Variants in HDAC4 observed in about 807,000 individuals in gnomAD.
HDAC4 encodes histone deacetylase A.
In HDAC4, 16 loss-of-function variants were observed where a neutral mutation model predicts 135.1. That is an observed-to-expected ratio of 0.12 (90% CI 0.08 to 0.18). HDAC4 has a LOEUF of 0.18. Among genes scored for constraint, HDAC4 ranks in the 10% least tolerant of loss-of-function variants. The probability of loss-of-function intolerance (pLI) is 1.00; values close to 1 mark genes in which losing one functional copy is unlikely to be tolerated. For missense variants in HDAC4, 1,143 were observed against 1,511.8 expected, an observed-to-expected ratio of 0.76 and a Z score of 4.05; for synonymous variants, 685 against 653.4, an observed-to-expected ratio of 1.05 and a Z score of -0.74.
chr2:239,159,937 A>C (rs1559532573), intron 6 of HDAC4, among the ~76,000 whole-genome samples: 1 of 152,286 alleles, frequency 6.6e-6, no homozygotes, highest in Non-Finnish European at 1.5e-5. Context: ...CTTCCGGAGG[A>C]AGATGGAAAA....
chr2:239,075,223 CAAAAAAAAAAAAAAAAAAA>C (rs67188784), intron 22 of HDAC4, among the ~76,000 whole-genome samples: 7 of 31,748 alleles, frequency 2.2e-4, no homozygotes, highest in Non-Finnish European at 4.2e-4. Context: ...GACTCCGTCT[CAAAAAAAAAAAAAAAAAAA>C]AAAAAAAAAA....
chr2:239,176,599 C>G, intron 4 of HDAC4, 36 bp from the exon 5 acceptor site: 1 of 1,595,834 alleles, frequency 6.3e-7, no homozygotes, highest in Non-Finnish European at 8.6e-7. Flanking sequence ...GGTCAGAGCC[C>G]AGGCTCCACA....
chr2:239,114,970 G>T, intron 13 of HDAC4, 83 bp downstream of exon 13: 1 of 1,532,958 alleles, frequency 6.5e-7, no homozygotes, highest in Non-Finnish European at 8.9e-7. Context: ...TGCAGCCCCC[G>T]TGATCACCAC....
chr2:239,240,321 A>C lies in HDAC4; in HGVS notation c.23-3657T>G, dbSNP rs1398001583. Among the ~76,000 whole-genome samples, 1 of 152,272 alleles carries C rather than the reference A, an allele frequency of 6.6e-6. No homozygotes were observed. Among genetic ancestry groups the C allele is most frequent in the African/African-American group, 2.4e-5 (1 of 41,476 alleles). On this transcript the variant is annotated intron_variant, in intron 2 of 26. Transcript: ENST00000543185. The surrounding 1 kb of genome is among the most constrained non-coding windows in gnomAD (Gnocchi z 4.5). Reference sequence around the variant, plus strand: ...GGTACACAGCCAGCTGGAACGCATGACGGCATCCGTGAATGTGCACAGAAT... The same window carrying C: ...GGTACACAGCCAGCTGGAACGCATGCCGGCATCCGTGAATGTGCACAGAAT...
chr2:239,249,467 G>A (rs530780654), intron 2 of HDAC4, among the ~76,000 whole-genome samples: 28 of 152,256 alleles, frequency 1.8e-4, no homozygotes, highest in African/African-American at 5.5e-4. Context: ...GAAGCAAGCC[G>A]GAAATCCAAA....
intron 3 of HDAC4, among the ~76,000 whole-genome samples, chr2:239,218,626 A>C (rs1306960355): frequency 2.7e-5 from 4 of 150,888 alleles, no homozygotes; most frequent in Non-Finnish European, 4.4e-5. Context: ...ATGGGATCTA[A>C]TTAAACTAAA....
chr2:239,081,494 G>T (rs1170816134), intron 21 of HDAC4, among the ~76,000 whole-genome samples: 1 of 152,270 alleles, frequency 6.6e-6, no homozygotes, highest in African/African-American at 2.4e-5. Flanking sequence ...CCTGTGTTGT[G>T]TGCCGTGTGT....
At chr2:239,242,078 G>C (rs1184672966) in intron 2 of HDAC4, among the ~76,000 whole-genome samples, 1 of 119,776 alleles carries the variant, frequency 8.3e-6, no homozygotes, top group Non-Finnish European at 1.6e-5. Context: ...GAAAGAAAGA[G>C]AAGGAAGGAA....
In HDAC4 at chr2:239,144,844, G is replaced by A; in HGVS notation, c.734-130C>T. 3.3e-6 allele frequency: 3 copies of A among 899,698 alleles called. No individual in the cohort carries two copies. In the South Asian group the frequency reaches 4.2e-5, roughly 13 times the overall value. The allele number at this position is 899,698 out of a possible 1,614,324, so 55.7% of individuals were successfully genotyped here. A position where few individuals can be genotyped will look rare whatever the true frequency, so the allele number is the denominator to read the frequency against. ...CTCAACACTGCTGTGTTGCTGCAGG[G>A]GAGAGCGCAGGGAGCTCACGAAGCA... is the stretch of plus-strand genomic sequence containing the variant. On this transcript the variant is annotated intron_variant, in intron 7 of 26. Transcript: ENST00000543185.
rs1472387908 is a variant in HDAC4, at chr2:239,307,003, C to T, written c.22+45675G>A. Among the ~76,000 whole-genome samples the T allele has an allele frequency of 2.0e-5, 3 of 152,074 alleles. No individual in the cohort carries two copies. Among genetic ancestry groups the T allele is most frequent in the Admixed American group, 6.5e-5 (1 of 15,282 alleles). ...GGAGCCGCAGGACCATAGGGGCCAC[C>T]GGCAGGGTGGGTGATGCCATCCTTC... On this transcript the variant is annotated intron_variant, in intron 2 of 26. Transcript: ENST00000543185. The surrounding 1 kb of genome is among the most constrained non-coding windows in gnomAD (Gnocchi z 4.8).
At chr2:239,329,388 T>C (rs1691399464) in intron 2 of HDAC4, among the ~76,000 whole-genome samples, 1 of 152,234 alleles carries the variant, frequency 6.6e-6, no homozygotes, top group Non-Finnish European at 1.5e-5. Flanking sequence ...AGTTTGATTC[T>C]GCCCCGTCAT....
intron 22 of HDAC4, among the ~76,000 whole-genome samples, chr2:239,072,588 C>T (rs144019081): frequency 7.6e-4 from 116 of 152,372 alleles, no homozygotes; most frequent in Admixed American, 9.8e-4. Flanking sequence ...TCAGAGGCCC[C>T]TCCCTGGGGG....
At chr2:239,273,017 A>G (rs1414805005) in intron 2 of HDAC4, among the ~76,000 whole-genome samples, 2 of 152,240 alleles carry the variant, frequency 1.3e-5, no homozygotes, top group East Asian at 3.9e-4. Context: ...ATGATACCCC[A>G]CACAGGGTCT....
rs144277108 is a variant in HDAC4, at chr2:239,220,263, T to C, written c.94+16330A>G. ...AAAGTGGTAAAAATTTATAAAGTAA[T>C]GAACACATCACATATCGAAAATTGT... On this transcript the variant is annotated intron_variant, in intron 3 of 26. Transcript: ENST00000543185. Among the ~76,000 whole-genome samples, 762 of 152,316 alleles carry C rather than the reference T, an allele frequency of 5.0e-3. 2 individuals are homozygous for C. Among genetic ancestry groups the C allele is most frequent in the Non-Finnish European group, 8.7e-3 (593 of 68,024 alleles).
At chr2:239,288,240 T>G (rs1182794887) in intron 2 of HDAC4, among the ~76,000 whole-genome samples, 1 of 152,150 alleles carries the variant, frequency 6.6e-6, no homozygotes, top group Non-Finnish European at 1.5e-5. Flanking sequence ...CAGAAAACTA[T>G]ACGATCATCA....
chr2:239,315,457 C>T (rs1424540771), intron 2 of HDAC4, among the ~76,000 whole-genome samples: 1 of 152,150 alleles, frequency 6.6e-6, no homozygotes, highest in Admixed American at 6.5e-5. Context: ...TGCCGATGCA[C>T]GAGCGCTAGA....
rs139367930 is a variant in HDAC4, at chr2:239,373,537, C to T, written c.-219-20619G>A. The stretch of plus-strand genomic sequence containing the variant: ...AGGCTGGAGTGCGGTGGTGTGATCT[C>T]GGCTCAACCTCCACCTCCCAGGTTC... On this transcript the variant is annotated intron_variant, in intron 1 of 26. Coordinates refer to ENST00000543185, the MANE Select transcript of HDAC4 (RefSeq NM_001378414.1). Among the ~76,000 whole-genome samples the T allele has an allele frequency of 6.8e-3, 1,028 of 151,716 alleles. 15 individuals carry two copies. The highest frequency in any genetic ancestry group is 0.023 in the African/African-American group (954 of 41,330).
At chr2:239,118,033 C>A (rs1461732959) in intron 12 of HDAC4, among the ~76,000 whole-genome samples, 1 of 152,170 alleles carries the variant, frequency 6.6e-6, no homozygotes, top group Non-Finnish European at 1.5e-5. Flanking sequence ...CACTCAGTGT[C>A]CGCTTGCTCC....
intron 2 of HDAC4, among the ~76,000 whole-genome samples, chr2:239,317,328 G>A (rs2053152439): frequency 6.9e-6 from 1 of 144,938 alleles, no homozygotes; most frequent in East Asian, 2.0e-4. Flanking sequence ...GTGTGTGGGT[G>A]CAGGGGCCGA....
Sources: allele counts gnomAD v4.1 joint callset (sites outside exome capture counted in the v4.1 genomes callset), GRCh38; gene constraint gnomAD v4.1.1; non-coding constraint Gnocchi (gnomAD v3.1); transcripts MANE v1.5; gene names NCBI Gene and HGNC (gene_info 2026-07-23, HGNC 2026-07-21).